The following PALLD variants were observed in gnomAD, a reference collection of about 807,000 sequenced individuals.
PALLD encodes the protein palladin, cytoskeletal associated protein, also known as palladin.
A neutral mutation model predicts 123.5 loss-of-function variants in PALLD; 61 were observed. The ratio of observed to expected loss-of-function variants is 0.49; its 90% CI spans 0.40 to 0.61. The LOEUF (loss-of-function observed/expected upper bound fraction) is 0.61, where lower values mean the gene tolerates loss of function less well. Among genes scored for constraint, PALLD ranks in the 20% least tolerant of loss-of-function variants. The probability of loss-of-function intolerance (pLI) is 0.00; values close to 1 mark genes in which losing one functional copy is unlikely to be tolerated. For missense variants in PALLD, 1,273 were observed against 1,377.0 expected (o/e 0.92, Z 1.20); for synonymous variants, 465 against 496.4 (o/e 0.94, Z 0.84).
At chr4:168,577,192 G>C (rs756017488) in intron 2 of PALLD, among the ~76,000 whole-genome samples, 1 of 152,126 alleles carries the variant, frequency 6.6e-6, no homozygotes, top group East Asian at 1.9e-4. Flanking sequence ...ACACGTTGAT[G>C]TTTGCCTTAT....
chr4:168,892,725 C>CTT (rs1371923887), intron 11 of PALLD, among the ~76,000 whole-genome samples: 3 of 144,858 alleles, frequency 2.1e-5, no homozygotes, highest in Non-Finnish European at 3.0e-5. Flanking sequence ...ATCACTCCAG[C>CTT]TTTTTTTTTT....
intron 10 of PALLD, among the ~76,000 whole-genome samples, chr4:168,727,245 A>G (rs1385686496): frequency 6.6e-6 from 1 of 152,182 alleles, no homozygotes; most frequent in East Asian, 1.9e-4. Flanking sequence ...TATACCCAGT[A>G]GTGGGATTGC....
chr4:168,597,159 A>G (rs1190356385), intron 2 of PALLD, among the ~76,000 whole-genome samples: 3 of 152,132 alleles, frequency 2.0e-5, no homozygotes, highest in African/African-American at 7.2e-5. Flanking sequence ...AGGGATTTCT[A>G]TATAAGATAA....
intron 10 of PALLD, among the ~76,000 whole-genome samples, chr4:168,721,279 G>C (rs1785987101): frequency 6.6e-6 from 1 of 152,028 alleles, no homozygotes; most frequent in African/African-American, 2.4e-5. Context: ...ATCCCTACTG[G>C]GTAGAGACCT....
chr4:168,904,098 A>T, intron 15 of PALLD, 192 bp downstream of exon 15: 2 of 606,922 alleles, frequency 3.3e-6, no homozygotes, highest in South Asian at 3.8e-5. Flanking sequence ...TATTTATTCC[A>T]TCAGGTGTTA....
At chr4:168,793,337 A>G (rs7685352) in intron 10 of PALLD, among the ~76,000 whole-genome samples, 10 of 75,086 alleles carry the variant, frequency 1.3e-4, no homozygotes, top group Admixed American at 2.4e-4. Context: ...ATACATATAT[A>G]TGTGTGCATA....
In PALLD at chr4:168,926,331, C is replaced by A; in HGVS notation, c.*151C>A. 2.0e-6 allele frequency: 3 copies of A among 1,537,284 alleles called. No individual in the cohort carries two copies. Among genetic ancestry groups the A allele is most frequent in the Non-Finnish European group, 2.6e-6 (3 of 1,146,784 alleles). On this transcript the variant is annotated 3_prime_UTR_variant, in exon 22 of 22. Transcript: ENST00000505667. ...TCAAAGCAGCGTTCCAACCTGAGGC[C>A]AACCCATCTCACCTGACACTGAATA...
intron 11 of PALLD, among the ~76,000 whole-genome samples, chr4:168,893,019 G>A (rs548663769): frequency 2.1e-4 from 32 of 152,058 alleles, no homozygotes; most frequent in African/African-American, 6.0e-4. Flanking sequence ...CTGTAGACAC[G>A]GGCTTTTATA....
intron 2 of PALLD, among the ~76,000 whole-genome samples, chr4:168,622,372 T>G (rs755027885): frequency 6.6e-6 from 1 of 152,212 alleles, no homozygotes; most frequent in Non-Finnish European, 1.5e-5. Flanking sequence ...CCTTGAAGAA[T>G]GTTCAGAATT....
intron 2 of PALLD, among the ~76,000 whole-genome samples, chr4:168,560,662 C>G (rs115810730): frequency 6.6e-6 from 1 of 152,176 alleles, no homozygotes; most frequent in Non-Finnish European, 1.5e-5. Flanking sequence ...GTCAGGAGAT[C>G]AGAGAAGAAG....
At chr4:168,497,223 C>G (rs1472975060) in intron 1 of PALLD, 29 bp downstream of exon 1, 1 of 150,062 alleles carries the variant, frequency 6.7e-6, no homozygotes, top group Non-Finnish European at 1.5e-5. Context: ...AATATACTAA[C>G]TAGTAGGGCA....
In PALLD at chr4:168,892,623, C is replaced by A. The variant is rs144145502; in HGVS notation, c.2100+1566C>A. ...ATAAGTGATTGCATGTGTAAATGTA[C>A]ATACTCTGGAAGTTTTCCCTGGCTC... On this transcript the variant is annotated intron_variant, in intron 11 of 21. Coordinates refer to ENST00000505667, the MANE Select transcript of PALLD (RefSeq NM_001166108.2). Among the ~76,000 whole-genome samples, 734 of 152,100 alleles carry A rather than the reference C, an allele frequency of 4.8e-3. 7 individuals are homozygous for A. Among genetic ancestry groups the A allele is most frequent in the Admixed American group, 5.4e-3 (83 of 15,264 alleles).
intron 10 of PALLD, among the ~76,000 whole-genome samples, chr4:168,780,311 A>C (rs904001081): frequency 1.3e-5 from 2 of 152,050 alleles, no homozygotes; most frequent in Non-Finnish European, 2.9e-5. Context: ...TTTCCTACCA[A>C]CCTTTTTTCC....
At chr4:168,541,561 C>T (rs1765619641) in intron 2 of PALLD, among the ~76,000 whole-genome samples, 1 of 152,118 alleles carries the variant, frequency 6.6e-6, no homozygotes, top group Admixed American at 6.5e-5. Context: ...AGCGATTCTC[C>T]TGCCTCAGCC....
intron 10 of PALLD, among the ~76,000 whole-genome samples, chr4:168,851,061 C>A (rs987194895): frequency 6.6e-6 from 1 of 152,182 alleles, no homozygotes; most frequent in Non-Finnish European, 1.5e-5. Context: ...CAGCAGCACA[C>A]ACACAGCTTC....
chr4:168,881,062 G>A (rs1430901597), intron 10 of PALLD, among the ~76,000 whole-genome samples: 1 of 152,010 alleles, frequency 6.6e-6, no homozygotes, highest in African/African-American at 2.4e-5. Flanking sequence ...GGGCCATCAC[G>A]TCCGTCTAGT....
chr4:168,668,910 T>G (rs1779914806), intron 3 of PALLD, among the ~76,000 whole-genome samples: 1 of 152,226 alleles, frequency 6.6e-6, no homozygotes, highest in Non-Finnish European at 1.5e-5. Context: ...GAATGGGCTA[T>G]TTCTGTTGTT....
At position 168,727,884 on chromosome 4, in the gene PALLD, T is replaced by TGAATTATGTATTTGTA. The variant is rs144675507; in HGVS notation, c.1964+15961_1964+15962insGAATTATGTATTTGTA. On this transcript the variant is annotated intron_variant, in intron 10 of 21. Transcript: ENST00000505667. ...TTAATCTATCTTGAGCTAATTTTTG[T>TGAATTATGTATTTGTA]ATATGGTGAAAGGTAAGGGTCTAGT... is the stretch of plus-strand genomic sequence containing the variant. Among the ~76,000 whole-genome samples, 4,729 of 152,308 alleles carry TGAATTATGTATTTGTA rather than the reference T, an allele frequency of 0.031. 336 individuals carry two copies. The East Asian group carries it at 0.32, about 10-fold the overall frequency.
intron 2 of PALLD, among the ~76,000 whole-genome samples, chr4:168,657,170 C>T (rs56946340): frequency 0.2 from 30,115 of 152,174 alleles, 3,525 homozygotes; most frequent in Admixed American, 0.28. Context: ...AACACATGTT[C>T]CATGGTCCAG....
Sources: allele counts gnomAD v4.1 joint callset (sites outside exome capture counted in the v4.1 genomes callset), GRCh38; gene constraint gnomAD v4.1.1; transcripts MANE v1.5; gene names NCBI Gene and HGNC (gene_info 2026-07-23, HGNC 2026-07-21).